POMT2: variants seen among roughly 807,000 people sequenced by gnomAD.
POMT2 encodes the protein protein O-mannosyltransferase 2.
POMT2 carries 75 observed loss-of-function variants against 100.0 expected under a neutral mutation model. That is an observed-to-expected ratio of 0.75 (90% CI 0.62 to 0.91). POMT2 has a LOEUF of 0.91. Ranked by LOEUF, POMT2 falls within the 40% of genes least tolerant of loss-of-function variation. The pLI is 0.00. For synonymous variants in POMT2, 378 were observed against 374.1 expected (o/e 1.01, Z -0.12); for missense variants, 940 against 955.1 (o/e 0.98, Z 0.21).
In POMT2 at chr14:77,308,344, C is replaced by A. The variant is rs972932518; in HGVS notation, c.334-1903G>T. Among the ~76,000 whole-genome samples, 13 of 143,008 alleles carry A rather than the reference C, an allele frequency of 9.1e-5. No homozygotes were observed. In the East Asian group the frequency reaches 2.8e-3, roughly 31 times the overall value. The allele number at this position is 143,008 out of a possible 152,430, so 93.8% of individuals were successfully genotyped here. On this transcript the variant is annotated intron_variant, in intron 2 of 20. Coordinates refer to ENST00000261534, the MANE Select transcript of POMT2 (RefSeq NM_013382.7). ...ATGTCATTTTTTACTCTCCAATTGACAAAGTTTTTTTGTTTTTTTTTTTTT... is the reference window on the plus strand; with the variant it reads ...ATGTCATTTTTTACTCTCCAATTGAAAAAGTTTTTTTGTTTTTTTTTTTTT...
chr14:77,287,065 A>G, intron 11 of POMT2: 1 of 685,466 alleles, frequency 1.5e-6, no homozygotes, highest in Non-Finnish European at 2.2e-6. Context: ...CATGCCAAGA[A>G]AGGGGCTAAC....
At chr14:77,315,316 G>C (rs2139529082) in intron 1 of POMT2, among the ~76,000 whole-genome samples, 1 of 152,278 alleles carries the variant, frequency 6.6e-6, no homozygotes, top group South Asian at 2.1e-4. Flanking sequence ...AGCAGAAAAA[G>C]CTTCTCCCCA....
At chr14:77,299,311 A>G in intron 7 of POMT2, 144 bp downstream of exon 7, 1 of 742,904 alleles carries the variant, frequency 1.3e-6, no homozygotes, top group South Asian at 1.4e-5. Flanking sequence ...AGGATAGAAC[A>G]TAGCAGGAAA....
At chr14:77,311,815 C>G in intron 2 of POMT2, 134 bp downstream of exon 2, 2 of 1,418,728 alleles carry the variant, frequency 1.4e-6, no homozygotes, top group Non-Finnish European at 1.9e-6. Flanking sequence ...AGTAGCTGGT[C>G]TGAAATGTCA....
intron 9 of POMT2, 113 bp from the exon 10 acceptor site, chr14:77,291,493 T>G (rs1890641076): frequency 6.9e-7 from 1 of 1,449,574 alleles, no homozygotes; most frequent in African/African-American, 1.4e-5. Flanking sequence ...TAAGCCAATT[T>G]CAGAATCCCC....
intron 15 of POMT2, among the ~76,000 whole-genome samples, chr14:77,280,695 GAA>G (rs1890190668): frequency 1.1e-5 from 1 of 90,352 alleles, no homozygotes; most frequent in Non-Finnish European, 2.2e-5. Context: ...ACCTTCTAGG[GAA>G]AAAGAAGGGA....
intron 8 of POMT2, 90 bp from the exon 9 acceptor site, chr14:77,296,363 A>G: frequency 4.5e-6 from 4 of 882,478 alleles, no homozygotes; most frequent in Non-Finnish European, 5.5e-6. Context: ...CACAGGGCTC[A>G]CTAACCCTCT....
chr14:77,286,688 C>A, intron 12 of POMT2, 56 bp downstream of exon 12: 1 of 1,609,620 alleles, frequency 6.2e-7, no homozygotes, highest in Non-Finnish European at 8.5e-7. Context: ...ACCACACAGC[C>A]CTGAGCCAAG....
chr14:77,278,591 G>A, intron 19 of POMT2, 83 bp from the exon 20 acceptor site: 1 of 1,461,548 alleles, frequency 6.8e-7, no homozygotes. Context: ...TCCAAGTCAA[G>A]GAGCAGAGAG....
At chr14:77,311,691 T>TATA (rs1891439273) in intron 2 of POMT2, among the ~76,000 whole-genome samples, 1 of 152,252 alleles carries the variant, frequency 6.6e-6, no homozygotes, top group Admixed American at 6.5e-5. Context: ...TGACCAAATA[T>TATA]TATTCCACCA....
At chr14:77,304,670 T>C (rs1482293164) in intron 4 of POMT2, 22 bp downstream of exon 4, 1 of 1,565,782 alleles carries the variant, frequency 6.4e-7, no homozygotes, top group Non-Finnish European at 8.7e-7. Context: ...CCAAAAGCCA[T>C]GGTATGGCTA....
At chr14:77,300,885 A>G in intron 6 of POMT2, 1 of 731,934 alleles carries the variant, frequency 1.4e-6, no homozygotes, top group Non-Finnish European at 2.2e-6. Context: ...ATGTTAATCT[A>G]TCCTCTCCCT....
intron 8 of POMT2, among the ~76,000 whole-genome samples, chr14:77,297,552 A>G (rs577337289): frequency 6.6e-6 from 1 of 152,056 alleles, no homozygotes; most frequent in Admixed American, 6.5e-5. Context: ...CTTCCAACCC[A>G]ACTTCTTCTC....
At chr14:77,296,812 T>C (rs937641148) in intron 8 of POMT2, among the ~76,000 whole-genome samples, 3 of 152,226 alleles carry the variant, frequency 2.0e-5, no homozygotes, top group African/African-American at 7.2e-5. Context: ...CCCTGAGTTA[T>C]TGAGAAACCT....
intron 1 of POMT2, chr14:77,319,698 T>G (rs562025183): frequency 1.4e-4 from 21 of 152,536 alleles, no homozygotes; most frequent in African/African-American, 4.8e-4. Context: ...CCTGTGGGAC[T>G]TGGATGGCAA....
intron 16 of POMT2, 109 bp downstream of exon 16, chr14:77,280,283 G>C: frequency 6.4e-7 from 1 of 1,572,524 alleles, no homozygotes; most frequent in Non-Finnish European, 8.6e-7. Flanking sequence ...ACCCATCCCA[G>C]GAGGCCCCTC....
At position 77,275,812 on chromosome 14, in the gene POMT2, C is replaced by G. The variant is rs1566640211; in HGVS notation, c.*1564G>C. ...TCGGGCCCCAGATCTAATTAACCAACCTGCCTTGCTTTTGACGTTGCTGCA... is the reference window on the plus strand; with the variant it reads ...TCGGGCCCCAGATCTAATTAACCAAGCTGCCTTGCTTTTGACGTTGCTGCA... On this transcript the variant is annotated 3_prime_UTR_variant, in exon 21 of 21. Coordinates refer to ENST00000261534, the MANE Select transcript of POMT2 (RefSeq NM_013382.7). The G allele has an allele frequency of 6.6e-6, 1 of 152,430 alleles. No homozygotes were observed. Among genetic ancestry groups the G allele is most frequent in the South Asian group, 2.1e-4 (1 of 4,834 alleles). 9.4% of individuals were successfully genotyped at this position (152,430 alleles called of 1,614,324 possible).
At chr14:77,281,095 AAAATAAATAAATAAATAAAT>A (rs145830278) in intron 15 of POMT2, among the ~76,000 whole-genome samples, 80 of 144,764 alleles carry the variant, frequency 5.5e-4, no homozygotes, top group Non-Finnish European at 9.3e-4. Flanking sequence ...ACTCAGTCTC[AAAATAAATAAATAAATAAAT>A]AAATAAATAA....
intron 9 of POMT2, 190 bp from the exon 10 acceptor site, chr14:77,291,570 CTCCT>C (rs1434929283): frequency 1.4e-6 from 1 of 699,464 alleles, no homozygotes; most frequent in Non-Finnish European, 2.4e-6. Flanking sequence ...GTGAGATTCT[CTCCT>C]TCCTTCTGCA....
Sources: gnomAD v4.1 joint callset for allele counts (sites outside exome capture counted in the v4.1 genomes callset) on GRCh38, gnomAD v4.1.1 for gene constraint, MANE v1.5 for transcripts, NCBI Gene and HGNC (gene_info 2026-07-23, HGNC 2026-07-21) for gene names.